Variants in SLC41A3 observed in about 807,000 individuals in gnomAD.
SLC41A3 encodes the protein solute carrier family 41 member 3.
A neutral mutation model predicts 45.4 loss-of-function variants in SLC41A3; 44 were observed. The observed-to-expected ratio is 0.97, with a 90% CI of 0.76 to 1.25. SLC41A3 has a LOEUF of 1.25. SLC41A3 is among the 50% of genes most tolerant of loss of function. The probability of loss-of-function intolerance (pLI) is 0.00; values close to 1 mark genes in which losing one functional copy is unlikely to be tolerated. For synonymous variants in SLC41A3, 256 were observed against 252.4 expected (o/e 1.01, Z -0.13); for missense variants, 550 against 600.6 (o/e 0.92, Z 0.88).
intron 2 of SLC41A3, among the ~76,000 whole-genome samples, chr3:126,065,926 CATA>C (rs1382806998): frequency 6.6e-6 from 1 of 152,150 alleles, no homozygotes; most frequent in Non-Finnish European, 1.5e-5. Context: ...CTGTCTCACT[CATA>C]ATAAGGAGCA....
At chr3:126,065,901 T>C (rs1944324288) in intron 2 of SLC41A3, among the ~76,000 whole-genome samples, 1 of 151,724 alleles carries the variant, frequency 6.6e-6, no homozygotes, top group South Asian at 2.1e-4. Context: ...TAAATAGAAA[T>C]ATCAAGACCT....
chr3:126,067,971 G>C lies in SLC41A3; in HGVS notation c.249C>G (p.Ala83=). The C allele has an allele frequency of 6.2e-7, 1 of 1,607,686 alleles. No individual in the cohort carries two copies. ...FMFAGLGLSW[A]GMLLDYFQHW... The stretch of plus-strand genomic sequence containing the variant: ...CCTGGAAATAGTCCAGAAGCATGCC[G>C]GCCCAGGACAGTCCCAGGCCTGCAA... The change falls in exon 2 of 11, where the codon GCC becomes GCG. Residue 83 remains alanine (A), a synonymous_variant. Transcript: ENST00000360370.
At chr3:126,082,637 G>T (rs1433437211) in intron 1 of SLC41A3, among the ~76,000 whole-genome samples, 1 of 152,212 alleles carries the variant, frequency 6.6e-6, no homozygotes, top group African/African-American at 2.4e-5. Context: ...GACTGAGGAG[G>T]AAACGGACAC....
chr3:126,047,701 T>A (rs1943055421), intron 3 of SLC41A3, among the ~76,000 whole-genome samples: 1 of 152,164 alleles, frequency 6.6e-6, no homozygotes, highest in Non-Finnish European at 1.5e-5. Context: ...TGCAAAAGAA[T>A]GAAGTTGGAT....
At chr3:126,056,364 G>A in intron 2 of SLC41A3, 1 of 1,613,966 alleles carries the variant, frequency 6.2e-7, no homozygotes, top group Non-Finnish European at 8.5e-7. Flanking sequence ...GCACTTGAAT[G>A]GTGTTCATCA....
At chr3:126,099,416 A>G (rs1370337024) in intron 1 of SLC41A3, among the ~76,000 whole-genome samples, 1 of 152,248 alleles carries the variant, frequency 6.6e-6, no homozygotes, top group Non-Finnish European at 1.5e-5. Context: ...GAGGATTTAA[A>G]GAGGGTAGAA....
chr3:126,091,705 G>C (rs1055802474), intron 1 of SLC41A3, among the ~76,000 whole-genome samples: 1 of 152,150 alleles, frequency 6.6e-6, no homozygotes, highest in Non-Finnish European at 1.5e-5. Flanking sequence ...ACATGGAAAG[G>C]GAAGGGGATT....
intron 3 of SLC41A3, among the ~76,000 whole-genome samples, chr3:126,037,916 GCACTGCTTCCCTACACAGCCCTGGGA>G (rs1942319051): frequency 6.6e-6 from 1 of 151,998 alleles, no homozygotes; most frequent in South Asian, 2.1e-4. Flanking sequence ...TGGGGCCAGG[GCACTGCTTCCCTACACAGCCCTGGGA>G]CACTGCTCCC....
intron 1 of SLC41A3, among the ~76,000 whole-genome samples, chr3:126,092,028 T>C (rs942047829): frequency 6.6e-6 from 1 of 152,178 alleles, no homozygotes; most frequent in African/African-American, 2.4e-5. Context: ...AGAGGAGGGA[T>C]CCATTTGTTA....
At chr3:126,035,054 A>C (rs1033778141) in intron 3 of SLC41A3, among the ~76,000 whole-genome samples, 8 of 152,254 alleles carry the variant, frequency 5.3e-5, no homozygotes, top group Non-Finnish European at 1.0e-4. Flanking sequence ...CGGTGAGGGC[A>C]GGAGGCTGAG....
intron 2 of SLC41A3, among the ~76,000 whole-genome samples, chr3:126,059,288 A>AAGAAAGAAAGAAAGAAAGAAAAGAAAG (rs1943905806): frequency 9.0e-6 from 1 of 111,336 alleles, no homozygotes; most frequent in Non-Finnish European, 2.0e-5. Flanking sequence ...GAAAGAAAGA[A>AAGAAAGAAAGAAAGAAAGAAAAGAAAG]AGAAAGAAAG....
chr3:126,061,713 A>T (rs970440201), intron 2 of SLC41A3, among the ~76,000 whole-genome samples: 3 of 152,026 alleles, frequency 2.0e-5, no homozygotes, highest in Non-Finnish European at 4.4e-5. Context: ...GACCATAACA[A>T]CAGGCTCACA....
At chr3:126,096,821 T>A (rs1164989836) in intron 1 of SLC41A3, among the ~76,000 whole-genome samples, 4 of 152,224 alleles carry the variant, frequency 2.6e-5, no homozygotes, top group Non-Finnish European at 5.9e-5. Flanking sequence ...CACCTCTGTA[T>A]TTCTGTGTGT....
At chr3:126,081,417 TAAG>T (rs1417923043) in intron 1 of SLC41A3, among the ~76,000 whole-genome samples, 7 of 152,058 alleles carry the variant, frequency 4.6e-5, no homozygotes, top group Non-Finnish European at 1.0e-4. Context: ...ATGGAAGAAA[TAAG>T]AAATCGTGTT....
intron 2 of SLC41A3, 152 bp downstream of exon 2, chr3:126,067,795 T>G: frequency 1.1e-6 from 1 of 942,596 alleles, no homozygotes; most frequent in South Asian, 2.0e-5. Flanking sequence ...CACCAGAGAC[T>G]AAAAGAATCT....
chr3:126,036,501 C>T (rs1220343840), intron 3 of SLC41A3, among the ~76,000 whole-genome samples: 2 of 152,198 alleles, frequency 1.3e-5, no homozygotes, highest in African/African-American at 4.8e-5. Flanking sequence ...GCTACACGCA[C>T]AGCCCCAACC....
chr3:126,068,585 T>C (rs996718526), intron 1 of SLC41A3, among the ~76,000 whole-genome samples: 4 of 152,214 alleles, frequency 2.6e-5, no homozygotes, highest in Admixed American at 2.0e-4. Flanking sequence ...CTCTTACTGA[T>C]ACCAAAGGCT....
chr3:126,056,658 C>G, intron 2 of SLC41A3: 1 of 1,465,080 alleles, frequency 6.8e-7, no homozygotes, highest in Non-Finnish European at 9.0e-7. Flanking sequence ...GAAGTCCACA[C>G]AAACAGAAGC....
At chr3:126,055,446 G>T (rs62263464) in intron 2 of SLC41A3, among the ~76,000 whole-genome samples, 1 of 152,082 alleles carries the variant, frequency 6.6e-6, no homozygotes, top group Non-Finnish European at 1.5e-5. Context: ...CCCAGGAGGC[G>T]GAGGTTGCAG....
Sources: allele counts gnomAD v4.1 joint callset (sites outside exome capture counted in the v4.1 genomes callset), GRCh38; gene constraint gnomAD v4.1.1; transcripts MANE v1.5; gene names NCBI Gene and HGNC (gene_info 2026-07-23, HGNC 2026-07-21).